MSH3: variants seen among roughly 807,000 people sequenced by gnomAD.
The protein encoded by MSH3 is mutS homolog 3.
MSH3 carries 106 observed loss-of-function variants against 123.3 expected under a neutral mutation model. That is an observed-to-expected ratio of 0.86 (90% CI 0.73 to 1.01). The LOEUF (loss-of-function observed/expected upper bound fraction) is 1.01. Among genes scored for constraint, MSH3 ranks in the 50% least tolerant of loss-of-function variants. The probability of loss-of-function intolerance (pLI) is 0.00; values close to 1 mark genes in which losing one functional copy is unlikely to be tolerated. For missense variants in MSH3, 1,459 were observed against 1,347.6 expected (o/e 1.08, Z -1.29); for synonymous variants, 515 against 481.4 (o/e 1.07, Z -0.91).
intron 16 of MSH3, among the ~76,000 whole-genome samples, chr5:80,777,840 C>G (rs770133143): frequency 1.3e-5 from 2 of 152,150 alleles, no homozygotes; most frequent in Non-Finnish European, 2.9e-5. Context: ...GATTTATCAT[C>G]ATAATGACAG....
intron 8 of MSH3, among the ~76,000 whole-genome samples, chr5:80,692,255 T>G (rs1474924960): frequency 1.7e-3 from 101 of 59,390 alleles, no homozygotes; most frequent in East Asian, 6.9e-3. Context: ...TTTAGATAGA[T>G]AGATAAACAT....
intron 12 of MSH3, among the ~76,000 whole-genome samples, chr5:80,758,151 T>C (rs1397703513): frequency 1.3e-5 from 2 of 152,212 alleles, no homozygotes; most frequent in Non-Finnish European, 2.9e-5. Flanking sequence ...ATCCCAGGAC[T>C]AGCTTTTCTT....
chr5:80,850,707 CT>C lies in MSH3; in HGVS notation c.2814-3422del, dbSNP rs1745816538. Among the ~76,000 whole-genome samples the C allele has an allele frequency of 2.0e-5, 3 of 152,166 alleles. No individual in the cohort carries two copies. In the South Asian group the frequency reaches 6.2e-4, roughly 32 times the overall value. ...CCACAACATGTGGGAATTACGGGAG[CT>C]ACAAGAAAAGATGTGGCTGGGGACA... On this transcript the variant is annotated intron_variant, in intron 20 of 23. Coordinates refer to ENST00000265081, the MANE Select transcript of MSH3 (RefSeq NM_002439.5).
intron 8 of MSH3, among the ~76,000 whole-genome samples, chr5:80,704,254 T>C (rs1750672612): frequency 6.6e-6 from 1 of 152,198 alleles, no homozygotes; most frequent in Admixed American, 6.5e-5. Flanking sequence ...TTACTGTCCG[T>C]CCCTGCTCAG....
At chr5:80,747,415 A>G (rs1378686582) in intron 12 of MSH3, among the ~76,000 whole-genome samples, 1 of 152,204 alleles carries the variant, frequency 6.6e-6, no homozygotes, top group Non-Finnish European at 1.5e-5. Flanking sequence ...CAGGCATTCA[A>G]CACTGATGTT....
chr5:80,730,923 G>A (rs1252072864), intron 10 of MSH3, among the ~76,000 whole-genome samples: 2 of 109,170 alleles, frequency 1.8e-5, no homozygotes, highest in African/African-American at 3.6e-5. Context: ...TTTTTTTTTA[G>A]ATGGAGTCTT....
intron 21 of MSH3, chr5:80,855,662 C>G (rs757465319): frequency 1.3e-5 from 2 of 152,174 alleles, no homozygotes; most frequent in Non-Finnish European, 2.9e-5. Flanking sequence ...TTGGGAAGCA[C>G]AGAGACATCA....
intron 20 of MSH3, among the ~76,000 whole-genome samples, chr5:80,825,095 T>C (rs1223096222): frequency 3.3e-5 from 5 of 152,220 alleles, no homozygotes; most frequent in Admixed American, 2.6e-4. Flanking sequence ...GTAGCTTTCA[T>C]TGATTTTTTA....
chr5:80,816,590 G>C (rs1332243411), intron 20 of MSH3, among the ~76,000 whole-genome samples: 1 of 152,162 alleles, frequency 6.6e-6, no homozygotes, highest in Non-Finnish European at 1.5e-5. Flanking sequence ...ACACTGTAAA[G>C]AATGTCTGGA....
Position 80,672,254 on chromosome 5 carries a change from G to A in MSH3, c.803G>A (p.Arg268Gln), listed in dbSNP as rs760032154. The A allele has an allele frequency of 5.6e-6, 9 of 1,611,386 alleles. No individual in the cohort carries two copies. The highest frequency in any genetic ancestry group is 2.2e-5 in the South Asian group (2 of 90,826). ...FFGEDAEIAA[R>Q]ELNIYCHLDH... Reference sequence around the variant, plus strand: ...TTTTTCATTTTTTAGATTGCAGCCCGAGAGCTCAATATTTATTGCCATTTA... The same window carrying A: ...TTTTTCATTTTTTAGATTGCAGCCCAAGAGCTCAATATTTATTGCCATTTA... The change falls in exon 5 of 24, where the codon CGA becomes CAA. Residue 268 changes from arginine to glutamine, a missense_variant. By Grantham distance (43) the Arg-to-Gln change is conservative. Transcript: ENST00000265081.
At chr5:80,775,621 C>T (rs1259066852) in intron 15 of MSH3, 73 bp from the exon 16 acceptor site, 3 of 870,150 alleles carry the variant, frequency 3.4e-6, no homozygotes, top group Admixed American at 2.0e-5. Flanking sequence ...ATTGTTATAC[C>T]ACAATTTGGG....
At chr5:80,845,145 C>G (rs951860674) in intron 20 of MSH3, among the ~76,000 whole-genome samples, 7 of 152,136 alleles carry the variant, frequency 4.6e-5, no homozygotes, top group African/African-American at 1.7e-4. Context: ...GATTTTACTT[C>G]TCCCCCACAT....
At chr5:80,875,122 C>T (rs997029787) in intron 23 of MSH3, among the ~76,000 whole-genome samples, 1 of 152,172 alleles carries the variant, frequency 6.6e-6, no homozygotes, top group African/African-American at 2.4e-5. Context: ...CTACTCTTCT[C>T]ATCACTTTAC....
At chr5:80,837,157 T>C (rs978601572) in intron 20 of MSH3, among the ~76,000 whole-genome samples, 2 of 152,196 alleles carry the variant, frequency 1.3e-5, no homozygotes, top group African/African-American at 2.4e-5. Flanking sequence ...AATGACTCCA[T>C]TGATTTTAAA....
intron 8 of MSH3, among the ~76,000 whole-genome samples, chr5:80,690,211 A>G (rs1420692090): frequency 6.6e-6 from 1 of 152,098 alleles, no homozygotes; most frequent in Non-Finnish European, 1.5e-5. Flanking sequence ...GAGCGACTGC[A>G]TTTAGCATCT....
At chr5:80,865,859 TAAGA>T (rs1746089545) in intron 22 of MSH3, among the ~76,000 whole-genome samples, 1 of 152,186 alleles carries the variant, frequency 6.6e-6, no homozygotes, top group Non-Finnish European at 1.5e-5. Flanking sequence ...GCACTGGGCC[TAAGA>T]TAAATGTAAT....
chr5:80,703,673 T>C (rs1014645339), intron 8 of MSH3, among the ~76,000 whole-genome samples: 2 of 152,126 alleles, frequency 1.3e-5, no homozygotes, highest in Admixed American at 6.5e-5. Flanking sequence ...CCTAATACTT[T>C]ATCTTTCCTT....
In MSH3 at chr5:80,854,308, A is replaced by G. The variant is rs548030451; in HGVS notation, c.2992A>G (p.Ile998Val). 122 of 1,613,388 alleles carry G rather than the reference A, an allele frequency of 7.6e-5. 1 individual carries two copies. In the South Asian group the frequency reaches 1.2e-3, roughly 16 times the overall value. ...AIAYATLEYFIRDVKSLTLFV... is the reference protein window; with the variant it reads ...AIAYATLEYFVRDVKSLTLFV... The stretch of plus-strand genomic sequence containing the variant: ...TGCCTATGCTACACTTGAGTATTTC[A>G]TCAGAGATGTAAGTATCCGGTAAAC... Residue 998 changes from isoleucine (I) to valine (V), a missense_variant, in exon 21 of 24, where the codon ATC becomes GTC. Coordinates refer to ENST00000265081, the MANE Select transcript of MSH3 (RefSeq NM_002439.5).
chr5:80,818,529 C>T (rs1745147048), intron 20 of MSH3, among the ~76,000 whole-genome samples: 2 of 151,024 alleles, frequency 1.3e-5, no homozygotes, highest in South Asian at 4.2e-4. Flanking sequence ...AACACATAAA[C>T]CTTTTTTTTT....
Sources: allele counts gnomAD v4.1 joint callset (sites outside exome capture counted in the v4.1 genomes callset), GRCh38; gene constraint gnomAD v4.1.1; transcripts MANE v1.5; gene names NCBI Gene and HGNC (gene_info 2026-07-23, HGNC 2026-07-21).